The following LCLAT1 variants were observed in gnomAD, a reference collection of about 807,000 sequenced individuals.
The protein encoded by LCLAT1 is 1-AGP acyltransferase 8.
LCLAT1 carries 11 observed loss-of-function variants against 30.7 expected under a neutral mutation model. That is an observed-to-expected ratio of 0.36 (90% CI 0.23 to 0.59). LCLAT1 has a LOEUF of 0.59. Ranked by LOEUF, LCLAT1 falls within the 20% of genes least tolerant of loss-of-function variation. LCLAT1 has a pLI of 0.77. For missense variants in LCLAT1, 402 were observed against 458.6 expected (o/e 0.88, Z 1.13); for synonymous variants, 155 against 151.3 (o/e 1.02, Z -0.18).
chr2:30,564,447 CAG>C (rs1302256397), intron 4 of LCLAT1, among the ~76,000 whole-genome samples: 1 of 150,988 alleles, frequency 6.6e-6, no homozygotes, highest in African/African-American at 2.4e-5. Context: ...TATTTGTTCT[CAG>C]GTTTCTTTTT....
intron 1 of LCLAT1, among the ~76,000 whole-genome samples, chr2:30,477,495 A>G (rs1477435789): frequency 6.6e-6 from 1 of 152,148 alleles, no homozygotes; most frequent in Non-Finnish European, 1.5e-5. Flanking sequence ...CCATTTATGA[A>G]ATGGTTTGTT....
At chr2:30,448,987 A>G (rs920932859) in intron 1 of LCLAT1, among the ~76,000 whole-genome samples, 15 of 152,242 alleles carry the variant, frequency 9.9e-5, no homozygotes, top group African/African-American at 3.6e-4. Context: ...CTCTGCATTC[A>G]TGTACTCTGC....
At chr2:30,633,443 C>T (rs1049543311) in intron 5 of LCLAT1, among the ~76,000 whole-genome samples, 2 of 152,112 alleles carry the variant, frequency 1.3e-5, no homozygotes, top group African/African-American at 4.8e-5. Context: ...AATCTCAGCA[C>T]TTTGGGAGGC....
intron 5 of LCLAT1, among the ~76,000 whole-genome samples, chr2:30,585,859 A>T (rs1666411093): frequency 6.6e-6 from 1 of 151,988 alleles, no homozygotes; most frequent in Non-Finnish European, 1.5e-5. Context: ...GCTGGAGAAA[A>T]TCCCCTAAAC....
intron 5 of LCLAT1, among the ~76,000 whole-genome samples, chr2:30,581,222 A>G (rs1345739901): frequency 6.6e-6 from 1 of 152,146 alleles, no homozygotes; most frequent in Non-Finnish European, 1.5e-5. Flanking sequence ...GTGACTTGAC[A>G]TGCCTCACAG....
chr2:30,589,488 A>G (rs981348807), intron 5 of LCLAT1, among the ~76,000 whole-genome samples: 2 of 152,024 alleles, frequency 1.3e-5, no homozygotes, highest in African/African-American at 2.4e-5. Flanking sequence ...GGAGAGAAAC[A>G]GGACAGTGTA....
chr2:30,565,971 T>C (rs1487924463), intron 4 of LCLAT1, among the ~76,000 whole-genome samples: 1 of 152,160 alleles, frequency 6.6e-6, no homozygotes, highest in Non-Finnish European at 1.5e-5. Flanking sequence ...GGTGGGAACA[T>C]GCCCAGCTGG....
At chr2:30,613,705 G>C (rs1667853494) in intron 5 of LCLAT1, among the ~76,000 whole-genome samples, 2 of 118,210 alleles carry the variant, frequency 1.7e-5, no homozygotes. Flanking sequence ...AGACAATTGT[G>C]GGGAGAGGGT....
At chr2:30,562,437 G>A (rs904015022) in intron 4 of LCLAT1, 145 bp downstream of exon 4, 1 of 573,296 alleles carries the variant, frequency 1.7e-6, no homozygotes, top group Non-Finnish European at 2.9e-6. Flanking sequence ...TCAGGAGGCT[G>A]AGACTGGAAG....
chr2:30,598,045 G>A (rs992002053), intron 5 of LCLAT1, among the ~76,000 whole-genome samples: 1 of 152,188 alleles, frequency 6.6e-6, no homozygotes, highest in Admixed American at 6.5e-5. Context: ...CAGTTTGCCA[G>A]TATTTTATTG....
chr2:30,460,804 T>C (rs1444127278), intron 1 of LCLAT1, among the ~76,000 whole-genome samples: 1 of 152,144 alleles, frequency 6.6e-6, no homozygotes, highest in East Asian at 1.9e-4. Context: ...AGTGACTAGA[T>C]AGCAGAGCCC....
chr2:30,502,223 G>A lies in LCLAT1; in HGVS notation c.-4-23364G>A, dbSNP rs143668434. Among the ~76,000 whole-genome samples the A allele has an allele frequency of 2.2e-4, 33 of 152,138 alleles. 1 individual carries two copies. Among genetic ancestry groups the A allele is most frequent in the South Asian group, 2.1e-3 (10 of 4,824 alleles). On this transcript the variant is annotated intron_variant, in intron 1 of 5. Transcript: ENST00000379509. ...CCCCTTTTGTTCTCTTGCTTTGCTT[G>A]TGTTTGTTCTTGTTTCTAATTTGTA...
In LCLAT1 at chr2:30,644,219, T is replaced by C. The variant is rs1669452439; in HGVS notation, c.*3600T>C. ...TCCCAGAATAAAGGAGTGAATTAAATAGTTTACATGTGTGTTACGTTCTGT... is the reference window on the plus strand; with the variant it reads ...TCCCAGAATAAAGGAGTGAATTAAACAGTTTACATGTGTGTTACGTTCTGT... On this transcript the variant is annotated 3_prime_UTR_variant, in exon 6 of 6. Coordinates refer to ENST00000379509, the MANE Select transcript of LCLAT1 (RefSeq NM_001002257.3). 6.6e-6 allele frequency: 1 copy of C among 152,190 alleles called. No individual in the cohort carries two copies. Among genetic ancestry groups the C allele is most frequent in the Non-Finnish European group, 1.5e-5 (1 of 68,038 alleles). 9.4% of individuals were successfully genotyped at this position (152,190 alleles called of 1,614,324 possible). A position where few individuals can be genotyped will look rare whatever the true frequency, so the allele number is the denominator to read the frequency against.
chr2:30,497,862 A>G (rs929971643), intron 1 of LCLAT1, among the ~76,000 whole-genome samples: 3 of 152,218 alleles, frequency 2.0e-5, no homozygotes, highest in Admixed American at 1.3e-4. Context: ...TGAACAATAT[A>G]TGGTATTTTT....
At chr2:30,601,704 C>CT (rs1667193003) in intron 5 of LCLAT1, among the ~76,000 whole-genome samples, 1 of 151,950 alleles carries the variant, frequency 6.6e-6, no homozygotes, top group Admixed American at 6.6e-5. Context: ...AATGAAAGCA[C>CT]TTTTTTGGCA....
chr2:30,560,262 T>C (rs544858346), intron 3 of LCLAT1, among the ~76,000 whole-genome samples: 1 of 151,440 alleles, frequency 6.6e-6, no homozygotes, highest in Admixed American at 6.6e-5. Flanking sequence ...AGTTTGGACT[T>C]ACCCAGGCCA....
rs1373346651 is a variant in LCLAT1 at position 30,643,576 on chromosome 2, C to T, written c.*2957C>T. The T allele has an allele frequency of 6.6e-6, 1 of 152,456 alleles. No homozygotes were observed. The highest frequency in any genetic ancestry group is 1.9e-4 in the East Asian group (1 of 5,178). The allele number at this position is 152,456 out of a possible 1,614,324, so 9.4% of individuals were successfully genotyped here. A position where few individuals can be genotyped will look rare whatever the true frequency, so the allele number is the denominator to read the frequency against. ...CTTTGAAATAGTTAATTCAACAGCA[C>T]CATGTTAGAAATATATTGGCAGCCA... On this transcript the variant is annotated 3_prime_UTR_variant, in exon 6 of 6. Transcript: ENST00000379509.
chr2:30,602,136 C>CAAAT (rs1272549136), intron 5 of LCLAT1, among the ~76,000 whole-genome samples: 1 of 152,032 alleles, frequency 6.6e-6, no homozygotes, highest in Non-Finnish European at 1.5e-5. Flanking sequence ...ATCAAATAGA[C>CAAAT]AAATGGATGA....
At position 30,525,761 on chromosome 2, in the gene LCLAT1, T is replaced by G. The variant is rs1252179147; in HGVS notation, c.165+6T>G. 2 of 1,613,866 alleles carry G rather than the reference T, an allele frequency of 1.2e-6. No individual in the cohort carries two copies. Among genetic ancestry groups the G allele is most frequent in the African/African-American group, 2.7e-5 (2 of 74,900 alleles). The stretch of plus-strand genomic sequence containing the variant: ...CATGGCTCACCCTACCTGTGGTAAG[T>G]TACACACCAGAGGAGACTGTCTGCT... On this transcript the variant is annotated splice_donor_region_variant and intron_variant, in intron 2 of 5. Transcript: ENST00000379509.
Sources: gnomAD v4.1 joint callset for allele counts (sites outside exome capture counted in the v4.1 genomes callset) on GRCh38, gnomAD v4.1.1 for gene constraint, MANE v1.5 for transcripts, NCBI Gene and HGNC (gene_info 2026-07-23, HGNC 2026-07-21) for gene names.